The following AFF3 variants were observed in gnomAD, a reference collection of about 807,000 sequenced individuals.
The protein encoded by AFF3 is AF4/FMR2 family member 3.
Under a neutral mutation model 129.7 loss-of-function variants are expected in AFF3, and 32 were observed. The observed-to-expected ratio is 0.25, with a 90% CI of 0.19 to 0.33. AFF3 has a LOEUF of 0.33. Among genes scored for constraint, AFF3 ranks in the 10% least tolerant of loss-of-function variants. The pLI, the probability that AFF3 is intolerant of heterozygous loss-of-function variation, is 1.00. For synonymous variants in AFF3, 644 were observed against 635.4 expected, an observed-to-expected ratio of 1.01 and a Z score of -0.20; for missense variants, 1,373 against 1,592.0, an observed-to-expected ratio of 0.86 and a Z score of 2.34.
chr2:100,033,397 C>T (rs116617424), intron 4 of AFF3, among the ~76,000 whole-genome samples: 1 of 152,320 alleles, frequency 6.6e-6, no homozygotes, highest in African/African-American at 2.4e-5. Flanking sequence ...TGCACACATA[C>T]ACTCATAAAC....
chr2:99,721,144 T>C (rs1678852104), intron 11 of AFF3, among the ~76,000 whole-genome samples: 1 of 152,240 alleles, frequency 6.6e-6, no homozygotes, highest in Non-Finnish European at 1.5e-5. Context: ...CAATTTATTG[T>C]AGTGTAGGCC....
intron 13 of AFF3, among the ~76,000 whole-genome samples, chr2:99,614,218 T>C (rs1211583860): frequency 2.0e-5 from 3 of 152,220 alleles, no homozygotes; most frequent in Non-Finnish European, 4.4e-5. Context: ...TGAAACCTTC[T>C]ATTGGCCGTA....
At chr2:99,845,785 A>C (rs1404609953) in intron 7 of AFF3, among the ~76,000 whole-genome samples, 4 of 152,138 alleles carry the variant, frequency 2.6e-5, no homozygotes, top group Non-Finnish European at 5.9e-5. Flanking sequence ...CAAATGTACC[A>C]TTTCCTCTTG....
intron 4 of AFF3, among the ~76,000 whole-genome samples, chr2:100,082,998 T>C (rs1220984734): frequency 6.6e-6 from 1 of 152,140 alleles, no homozygotes; most frequent in East Asian, 1.9e-4. Context: ...GAGAATCACT[T>C]GAACCCGGGA....
chr2:99,554,939 G>A (rs1442057386), intron 22 of AFF3, among the ~76,000 whole-genome samples: 2 of 152,140 alleles, frequency 1.3e-5, no homozygotes, highest in Admixed American at 6.5e-5. Context: ...CCTGGACTTC[G>A]GAAGTTTAAC....
chr2:99,579,214 T>A (rs908285572), intron 17 of AFF3, among the ~76,000 whole-genome samples: 60 of 151,564 alleles, frequency 4.0e-4, no homozygotes, highest in African/African-American at 1.4e-3. Context: ...GAGGCCAGAC[T>A]GACCAACATG....
chr2:100,052,096 T>C (rs1374184717), intron 4 of AFF3, among the ~76,000 whole-genome samples: 2 of 152,212 alleles, frequency 1.3e-5, no homozygotes, highest in Non-Finnish European at 2.9e-5. Context: ...CTGAGCTTGC[T>C]GTATGAAGTC....
At chr2:99,991,733 T>C (rs562851946) in intron 7 of AFF3, among the ~76,000 whole-genome samples, 1 of 152,126 alleles carries the variant, frequency 6.6e-6, no homozygotes, top group African/African-American at 2.4e-5. Context: ...TGAAACCCCG[T>C]GTCTACTAAA....
intron 1 of AFF3, among the ~76,000 whole-genome samples, chr2:100,139,571 G>T (rs534420883): frequency 1.1e-4 from 16 of 152,302 alleles, no homozygotes; most frequent in Middle Eastern, 3.4e-3. Flanking sequence ...AGGAATATCT[G>T]TGCAAGATGC....
chr2:99,728,155 G>A (rs1369230967), intron 10 of AFF3, among the ~76,000 whole-genome samples: 1 of 152,150 alleles, frequency 6.6e-6, no homozygotes, highest in African/African-American at 2.4e-5. Context: ...TTAATCAATT[G>A]GTGGTTTGAA....
At chr2:100,001,569 C>T (rs1390322742) in intron 7 of AFF3, among the ~76,000 whole-genome samples, 3 of 152,326 alleles carry the variant, frequency 2.0e-5, no homozygotes, top group Admixed American at 2.0e-4. Context: ...GCTGGGATTA[C>T]AGGCATGCGC....
chr2:99,645,397 C>T lies in AFF3; in HGVS notation c.1184+4229G>A, dbSNP rs1010100207. 3.3e-5 allele frequency among the ~76,000 whole-genome samples: 5 copies of T among 152,172 alleles called. 1 individual carries two copies. The highest frequency in any genetic ancestry group is 4.8e-5 in the African/African-American group (2 of 41,450). On this transcript the variant is annotated intron_variant, in intron 13 of 24. Coordinates refer to ENST00000672756, the MANE Select transcript of AFF3 (RefSeq NM_001386135.1). ...TGCCATCTCTTCTTGCCCTGTTTGTCTGCTTTTTTCATTTCTGGGGGACAT... is the reference window on the plus strand; with the variant it reads ...TGCCATCTCTTCTTGCCCTGTTTGTTTGCTTTTTTCATTTCTGGGGGACAT...
intron 4 of AFF3, among the ~76,000 whole-genome samples, chr2:100,070,881 G>C (rs1688129862): frequency 6.7e-6 from 1 of 150,342 alleles, no homozygotes; most frequent in African/African-American, 2.5e-5. Context: ...GCCTTTTTTT[G>C]TATTGCAAAT....
At chr2:99,850,222 T>C (rs1690045070) in intron 7 of AFF3, among the ~76,000 whole-genome samples, 2 of 152,216 alleles carry the variant, frequency 1.3e-5, no homozygotes, top group South Asian at 4.1e-4. Context: ...AAACCTGTAG[T>C]ATTTTTTCCT....
chr2:99,874,446 C>A (rs534589233), intron 7 of AFF3, among the ~76,000 whole-genome samples: 1 of 152,274 alleles, frequency 6.6e-6, no homozygotes, highest in South Asian at 2.1e-4. Context: ...TTTTCAAAAA[C>A]GGACAGACTC....
intron 11 of AFF3, among the ~76,000 whole-genome samples, chr2:99,678,413 T>C (rs1674206493): frequency 1.3e-5 from 2 of 152,238 alleles, no homozygotes; most frequent in Admixed American, 6.5e-5. Flanking sequence ...AGCTCATCTA[T>C]ATCTTCCACA....
At chr2:99,825,630 T>G (rs918362871) in intron 8 of AFF3, among the ~76,000 whole-genome samples, 5 of 152,206 alleles carry the variant, frequency 3.3e-5, no homozygotes, top group African/African-American at 1.2e-4. Context: ...GCAAATGTAT[T>G]AGCTTGATTT....
At chr2:99,860,348 T>C (rs978809707) in intron 7 of AFF3, among the ~76,000 whole-genome samples, 3 of 151,946 alleles carry the variant, frequency 2.0e-5, no homozygotes, top group African/African-American at 7.3e-5. Context: ...GGTCAGGAGA[T>C]TGAGACCATC....
intron 7 of AFF3, among the ~76,000 whole-genome samples, chr2:100,001,282 G>C (rs1223075137): frequency 2.0e-5 from 3 of 152,132 alleles, no homozygotes; most frequent in Non-Finnish European, 4.4e-5. Flanking sequence ...AGCCCAGAGA[G>C]GAAAGAGAAA....
Sources: allele counts gnomAD v4.1 joint callset (sites outside exome capture counted in the v4.1 genomes callset), GRCh38; gene constraint gnomAD v4.1.1; transcripts MANE v1.5; gene names NCBI Gene and HGNC (gene_info 2026-07-23, HGNC 2026-07-21).